DNAH12: variants seen among roughly 807,000 people sequenced by gnomAD.
The protein encoded by DNAH12 is axonemal beta dynein heavy chain 12.
Under a neutral mutation model 371.5 loss-of-function variants are expected in DNAH12, and 285 were observed. The observed-to-expected ratio is 0.77, with a 90% CI of 0.70 to 0.85. The LOEUF (loss-of-function observed/expected upper bound fraction) is 0.85. DNAH12 is among the 40% of genes least tolerant of loss of function. DNAH12 has a pLI of 0.00. For missense variants in DNAH12, 3,611 were observed against 3,689.4 expected (o/e 0.98, Z 0.55); for synonymous variants, 1,200 against 1,213.0 (o/e 0.99, Z 0.22).
intron 13 of DNAH12, among the ~76,000 whole-genome samples, chr3:57,481,175 T>C (rs1254301646): frequency 2.0e-5 from 3 of 152,154 alleles, no homozygotes; most frequent in South Asian, 2.1e-4. Context: ...AAAACCCCAT[T>C]GTCTCAGCCC....
intron 29 of DNAH12, among the ~76,000 whole-genome samples, chr3:57,444,193 C>G (rs774573896): frequency 2.0e-4 from 31 of 151,842 alleles, no homozygotes; most frequent in Non-Finnish European, 3.1e-4. Flanking sequence ...AAGAGCAAAA[C>G]TCTGTCTCAA....
Position 57,502,330 on chromosome 3 carries a change from C to G in DNAH12, c.1236G>C (p.Glu412Asp). ...TATGTATGTCATACACACCATATGT[C>G]TCATAATGCTTTCTTGCACCTTCTA... is the stretch of plus-strand genomic sequence containing the variant. The part of the protein sequence containing the change: ...RNLEGARKHY[E>D]TYVEKYNWLL... Residue 412 changes from glutamate (E) to aspartate (D), a missense_variant, in exon 10 of 74, where the codon GAG becomes GAC. Transcript: ENST00000495027. 1 of 1,613,984 alleles carries G rather than the reference C, an allele frequency of 6.2e-7. No homozygotes were observed. Among genetic ancestry groups the G allele is most frequent in the Non-Finnish European group, 8.5e-7 (1 of 1,179,948 alleles).
At chr3:57,425,957 G>A (rs1559645141) in intron 34 of DNAH12, among the ~76,000 whole-genome samples, 1 of 152,174 alleles carries the variant, frequency 6.6e-6, no homozygotes, top group Non-Finnish European at 1.5e-5. Flanking sequence ...GTAGGAGGCG[G>A]CTGCTAGAGT....
intron 39 of DNAH12, among the ~76,000 whole-genome samples, chr3:57,413,529 A>G (rs1378982387): frequency 3.3e-5 from 5 of 152,126 alleles, no homozygotes; most frequent in Non-Finnish European, 7.4e-5. Flanking sequence ...GAGGCTATGC[A>G]TGTGTCGGGG....
intron 26 of DNAH12, 60 bp downstream of exon 26, chr3:57,446,477 C>G: frequency 6.8e-7 from 1 of 1,476,096 alleles, no homozygotes; most frequent in Non-Finnish European, 9.0e-7. Flanking sequence ...TCCATTTATC[C>G]AATTAGACCT....
chr3:57,474,352 A>T (rs2066457739), intron 13 of DNAH12, among the ~76,000 whole-genome samples: 1 of 152,132 alleles, frequency 6.6e-6, no homozygotes, highest in Non-Finnish European at 1.5e-5. Flanking sequence ...GCTGGAGTGC[A>T]ATGGTGCAAT....
chr3:57,293,899 G>A lies in DNAH12; in HGVS notation c.11765C>T (p.Thr3922Ile). The change falls in exon 74 of 74, where the codon ACT becomes ATT. Residue 3922 changes from threonine to isoleucine, a missense_variant. Thr to Ile is a moderately conservative substitution (Grantham distance 89, BLOSUM62 -1). Around this residue, in one of 3 missense-constraint regions of DNAH12, gnomAD observed 2,266 missense variants for 2,236.9 expected, o/e 1.01. Coordinates refer to ENST00000495027, the MANE Select transcript of DNAH12 (RefSeq NM_001366028.2). ...PLYKTSERKG[T>I]LSTTGHSTNF... The stretch of plus-strand genomic sequence containing the variant: ...AGTAGAATGTCCCGTAGTGGAAAGA[G>A]TTCCTTTACGTTCACTTGTCTTGTA... 1 of 1,542,930 alleles carries A rather than the reference G, an allele frequency of 6.5e-7. No individual in the cohort carries two copies. Among genetic ancestry groups the A allele is most frequent in the Non-Finnish European group, 8.7e-7 (1 of 1,142,966 alleles).
At chr3:57,477,922 G>A (rs907887749) in intron 13 of DNAH12, among the ~76,000 whole-genome samples, 1 of 152,168 alleles carries the variant, frequency 6.6e-6, no homozygotes, top group African/African-American at 2.4e-5. Flanking sequence ...AACCCCATCT[G>A]TACGTCACCA....
At chr3:57,335,222 A>G (rs891510755) in intron 60 of DNAH12, among the ~76,000 whole-genome samples, 1 of 152,214 alleles carries the variant, frequency 6.6e-6, no homozygotes, top group Non-Finnish European at 1.5e-5. Context: ...GGGAGGTGTG[A>G]TCAGAATCAG....
At chr3:57,403,914 AATG>A (rs1386204605) in intron 42 of DNAH12, among the ~76,000 whole-genome samples, 1 of 152,222 alleles carries the variant, frequency 6.6e-6, no homozygotes, top group Non-Finnish European at 1.5e-5. Context: ...TTAAAATTAA[AATG>A]ATAATGAGAT....
In DNAH12 at chr3:57,510,790, C is replaced by T. The variant is rs758159770; in HGVS notation, c.469G>A (p.Val157Met). ...DFENSMKRYL[V>M]QSVLVKPPVK... ...CTGGTGTGTGTTAGATGCTACTTAC[C>T]CAAATATCTCTTCATGCTGTTTTCA... The change falls in exon 5 of 74, where the codon GTG (valine) becomes ATG (methionine). Residue 157 changes from valine to methionine, a missense_variant and splice_region_variant. Val to Met is a conservative substitution (Grantham distance 21). Coordinates refer to ENST00000495027, the MANE Select transcript of DNAH12 (RefSeq NM_001366028.2). 6.2e-7 allele frequency: 1 copy of T among 1,613,264 alleles called. No homozygotes were observed. Among genetic ancestry groups the T allele is most frequent in the Non-Finnish European group, 8.5e-7 (1 of 1,179,816 alleles).
chr3:57,343,873 A>G (rs2062469627), intron 60 of DNAH12, among the ~76,000 whole-genome samples: 1 of 152,210 alleles, frequency 6.6e-6, no homozygotes, highest in Non-Finnish European at 1.5e-5. Flanking sequence ...GGAGAAAAAC[A>G]TAAATCTGGC....
intron 20 of DNAH12, 87 bp from the exon 21 acceptor site, chr3:57,458,307 C>A (rs553508267): frequency 3.5e-5 from 47 of 1,339,270 alleles, no homozygotes; most frequent in South Asian, 1.1e-4. Context: ...ATGTTAAAAT[C>A]TTTTAATGTT....
In DNAH12 at chr3:57,301,763, T is replaced by C; in HGVS notation, c.11366A>G (p.Asp3789Gly). ...SLKPLGSYITDFLARLNFLQD... is the reference protein window; with the variant it reads ...SLKPLGSYITGFLARLNFLQD... ...TAAAAAGTTCAACCGGGCTAGGAAA[T>C]CTGTGATGTAACTTCCCAGGGGCTT... The change falls in exon 70 of 74, where the codon GAT becomes GGT. Residue 3789 changes from aspartate to glycine, a missense_variant. Asp to Gly is a moderately conservative substitution (Grantham distance 94). Transcript: ENST00000495027. 2 of 1,550,822 alleles carry C rather than the reference T, an allele frequency of 1.3e-6. No homozygotes were observed. Among genetic ancestry groups the C allele is most frequent in the Non-Finnish European group, 1.7e-6 (2 of 1,146,866 alleles).
At chr3:57,415,131 T>C (rs899924060) in intron 38 of DNAH12, among the ~76,000 whole-genome samples, 6 of 151,008 alleles carry the variant, frequency 4.0e-5, no homozygotes, top group African/African-American at 7.3e-5. Context: ...ATGTGTGTGT[T>C]TGTGTGTGTG....
intron 58 of DNAH12, among the ~76,000 whole-genome samples, chr3:57,363,091 T>C (rs1325792602): frequency 2.0e-5 from 3 of 152,084 alleles, no homozygotes; most frequent in African/African-American, 7.2e-5. Context: ...TATAGACCAA[T>C]GGAACAGAAC....
chr3:57,542,015 T>A (rs2069306783), intron 2 of DNAH12, among the ~76,000 whole-genome samples: 1 of 152,092 alleles, frequency 6.6e-6, no homozygotes, highest in South Asian at 2.1e-4. Context: ...GAAATCCATG[T>A]ATTTTTCTTT....
At position 57,541,036 on chromosome 3, in the gene DNAH12, T is replaced by TC. The variant is rs562408638; in HGVS notation, c.170+1664dup. On this transcript the variant is annotated intron_variant, in intron 2 of 73. Coordinates refer to ENST00000495027, the MANE Select transcript of DNAH12 (RefSeq NM_001366028.2). ...TAGGAATGAAGGAGGAATGCATCTC[T>TC]CCCCCTCCCTTTTATTTTTTTGAGA... Among the ~76,000 whole-genome samples the TC allele has an allele frequency of 1.1e-3, 171 of 149,558 alleles. 1 individual carries two copies. The highest frequency in any genetic ancestry group is 0.011 in the South Asian group (50 of 4,564).
rs184755804 is a variant in DNAH12 at position 57,474,176 on chromosome 3, G to T, written c.1651-1505C>A. On this transcript the variant is annotated intron_variant, in intron 13 of 73. Transcript: ENST00000495027. ...TTTGCAAATGTGTAACATTTGATCA[G>T]GAAAAACAGAACTGTCATCATTTGC... Among the ~76,000 whole-genome samples, 725 of 151,936 alleles carry T rather than the reference G, an allele frequency of 4.8e-3. 2 individuals carry two copies. The highest frequency in any genetic ancestry group is 6.4e-3 in the Non-Finnish European group (433 of 67,990).
Sources: allele counts gnomAD v4.1 joint callset (sites outside exome capture counted in the v4.1 genomes callset), GRCh38; gene constraint gnomAD v4.1.1; regional missense constraint gnomAD v4.1.1; transcripts MANE v1.5; gene names NCBI Gene and HGNC (gene_info 2026-07-23, HGNC 2026-07-21).